HHAT: variants seen among roughly 807,000 people sequenced by gnomAD.
HHAT encodes hedgehog acyltransferase.
HHAT carries 47 observed loss-of-function variants against 70.8 expected under a neutral mutation model. The observed-to-expected ratio is 0.66, with a 90% CI of 0.53 to 0.85. HHAT has a LOEUF of 0.85. Among genes scored for constraint, HHAT ranks in the 40% least tolerant of loss-of-function variants. HHAT has a pLI of 0.00. For missense variants in HHAT, 609 were observed against 604.8 expected, an observed-to-expected ratio of 1.01 and a Z score of -0.07; for synonymous variants, 228 against 247.6, an observed-to-expected ratio of 0.92 and a Z score of 0.74.
chr1:210,601,944 A>AGG (rs1174449396), intron 10 of HHAT, among the ~76,000 whole-genome samples: 1 of 108,302 alleles, frequency 9.2e-6, no homozygotes. Context: ...ACTCAGAGAG[A>AGG]GAGAGAGAGA....
chr1:210,525,756 A>T (rs1022432031), intron 9 of HHAT, among the ~76,000 whole-genome samples: 28 of 152,194 alleles, frequency 1.8e-4, no homozygotes, highest in Non-Finnish European at 2.2e-4. Context: ...AAAAAAAATT[A>T]AAAAGAGCCC....
chr1:210,434,506 T>G (rs2093329899), intron 7 of HHAT, among the ~76,000 whole-genome samples: 1 of 151,750 alleles, frequency 6.6e-6, no homozygotes, highest in Non-Finnish European at 1.5e-5. Context: ...TTAGATATAG[T>G]CCTCAAGGGG....
At chr1:210,423,293 G>A (rs2092960367) in intron 7 of HHAT, among the ~76,000 whole-genome samples, 1 of 152,072 alleles carries the variant, frequency 6.6e-6, no homozygotes, top group African/African-American at 2.4e-5. Context: ...ATATCCCATT[G>A]TGGCTCTGAT....
chr1:210,591,671 G>T (rs1051738436), intron 10 of HHAT, among the ~76,000 whole-genome samples: 1 of 152,104 alleles, frequency 6.6e-6, no homozygotes. Context: ...CCCACCAACA[G>T]TGTACAATGA....
intron 7 of HHAT, among the ~76,000 whole-genome samples, chr1:210,448,507 C>T (rs1046653442): frequency 2.6e-5 from 4 of 152,138 alleles, no homozygotes; most frequent in Non-Finnish European, 4.4e-5. Context: ...GATAGCTAGT[C>T]ATTTAAGCAA....
At chr1:210,381,012 A>G (rs1453575419) in intron 3 of HHAT, among the ~76,000 whole-genome samples, 1 of 152,120 alleles carries the variant, frequency 6.6e-6, no homozygotes, top group African/African-American at 2.4e-5. Flanking sequence ...TGCTCTTAAA[A>G]ATATTACTTT....
chr1:210,366,879 C>T (rs1037276280), intron 3 of HHAT, among the ~76,000 whole-genome samples: 23 of 152,306 alleles, frequency 1.5e-4, no homozygotes, highest in Admixed American at 9.1e-4. Context: ...CTCCCTGTCA[C>T]GAAGCATTGC....
At chr1:210,341,455 G>A (rs765135812) in intron 1 of HHAT, among the ~76,000 whole-genome samples, 6 of 152,212 alleles carry the variant, frequency 3.9e-5, no homozygotes, top group Non-Finnish European at 8.8e-5. Context: ...AAGGTGTGCT[G>A]TACTTTTCTT....
At chr1:210,327,758 C>A (rs544478080), upstream of HHAT, among the ~76,000 whole-genome samples, 3 of 152,034 alleles carry the variant, frequency 2.0e-5, no homozygotes, top group Non-Finnish European at 1.5e-5. Flanking sequence ...CTCCTGCTAC[C>A]GCTCCTAAAG....
intron 11 of HHAT, among the ~76,000 whole-genome samples, chr1:210,637,973 T>G (rs918549592): frequency 4.0e-5 from 6 of 151,792 alleles, no homozygotes; most frequent in Admixed American, 1.3e-4. Context: ...TTCAGGAAAA[T>G]GCACATTAAA....
intron 11 of HHAT, among the ~76,000 whole-genome samples, chr1:210,658,229 T>C (rs1298488352): frequency 6.6e-6 from 1 of 152,164 alleles, no homozygotes; most frequent in African/African-American, 2.4e-5. Flanking sequence ...GCTCAGTCTC[T>C]CGAGCTTTCA....
chr1:210,614,311 A>G (rs894292492), intron 10 of HHAT, among the ~76,000 whole-genome samples: 3 of 152,020 alleles, frequency 2.0e-5, no homozygotes, highest in Non-Finnish European at 2.9e-5. Flanking sequence ...TTTTGGTAGA[A>G]TTTTTAGGGT....
At chr1:210,399,943 A>T (rs1320623442) in intron 4 of HHAT, among the ~76,000 whole-genome samples, 1 of 152,208 alleles carries the variant, frequency 6.6e-6, no homozygotes, top group Non-Finnish European at 1.5e-5. Context: ...AAAAATCAAA[A>T]ATGCAAAAAA....
At chr1:210,456,443 C>T (rs925876609) in intron 7 of HHAT, among the ~76,000 whole-genome samples, 1 of 152,210 alleles carries the variant, frequency 6.6e-6, no homozygotes, top group East Asian at 1.9e-4. Context: ...GGGACCACCC[C>T]CTTTTTGAGC....
At chr1:210,400,939 G>T (rs1403655582) in intron 5 of HHAT, among the ~76,000 whole-genome samples, 1 of 152,200 alleles carries the variant, frequency 6.6e-6, no homozygotes, top group Non-Finnish European at 1.5e-5. Context: ...GATGTCACAG[G>T]GCCAGAGGGT....
chr1:210,400,120 G>C (rs1270176894), intron 4 of HHAT, among the ~76,000 whole-genome samples: 2 of 152,226 alleles, frequency 1.3e-5, no homozygotes, highest in East Asian at 1.9e-4. Context: ...CATTTTTCCA[G>C]CTGTCTTCTG....
At chr1:210,650,117 G>A (rs528286493) in intron 11 of HHAT, among the ~76,000 whole-genome samples, 19 of 152,300 alleles carry the variant, frequency 1.2e-4, no homozygotes, top group African/African-American at 4.1e-4. Context: ...AACATGACTC[G>A]GAAACAGCTC....
At chr1:210,439,048 G>A (rs1222996334) in intron 7 of HHAT, among the ~76,000 whole-genome samples, 1 of 151,872 alleles carries the variant, frequency 6.6e-6, no homozygotes, top group Admixed American at 6.6e-5. Flanking sequence ...TCATGCACAC[G>A]TCACCTTGGG....
chr1:210,577,860 G>C (rs1052610964), intron 9 of HHAT, among the ~76,000 whole-genome samples: 16 of 151,872 alleles, frequency 1.1e-4, no homozygotes, highest in African/African-American at 3.9e-4. Flanking sequence ...TGGCCAGGCT[G>C]GTCTTGAACT....
Sources: allele counts gnomAD v4.1 joint callset (sites outside exome capture counted in the v4.1 genomes callset), GRCh38; gene constraint gnomAD v4.1.1; transcripts MANE v1.5; gene names NCBI Gene and HGNC (gene_info 2026-07-23, HGNC 2026-07-21).